The following U2AF2 variants were observed in gnomAD, a reference collection of about 807,000 sequenced individuals.
The protein encoded by U2AF2 is splicing factor U2AF 65 kDa subunit.
Under a neutral mutation model 52.6 loss-of-function variants are expected in U2AF2, and 6 were observed. The ratio of observed to expected loss-of-function variants is 0.11; its 90% CI spans 0.06 to 0.23. The LOEUF (loss-of-function observed/expected upper bound fraction) is 0.23, where lower values mean the gene tolerates loss of function less well. Ranked by LOEUF, U2AF2 falls within the 10% of genes least tolerant of loss-of-function variation. The pLI is 1.00. For synonymous variants in U2AF2, 284 were observed against 258.2 expected (o/e 1.10, Z -0.96); for missense variants, 222 against 677.1 (o/e 0.33, Z 7.46).
intron 1 of U2AF2, among the ~76,000 whole-genome samples, chr19:55,656,114 G>T (rs756455462): frequency 3.9e-5 from 6 of 152,196 alleles, no homozygotes; most frequent in Non-Finnish European, 8.8e-5. Context: ...AAAGCCTGGG[G>T]CCCTGATCTT....
intron 1 of U2AF2, among the ~76,000 whole-genome samples, chr19:55,655,994 T>G (rs1189923031): frequency 2.0e-5 from 3 of 152,070 alleles, no homozygotes; most frequent in Non-Finnish European, 4.4e-5. Context: ...AGAAAACAGG[T>G]TCTGAGGGAG....
chr19:55,672,921 G>A (rs995223183), intron 11 of U2AF2, among the ~76,000 whole-genome samples: 1 of 151,704 alleles, frequency 6.6e-6, no homozygotes, highest in Admixed American at 6.6e-5. Context: ...GGGATTACAG[G>A]CGTGAGCCAC....
At chr19:55,656,494 T>C (rs1247009662) in intron 1 of U2AF2, among the ~76,000 whole-genome samples, 1 of 150,970 alleles carries the variant, frequency 6.6e-6, no homozygotes, top group Non-Finnish European at 1.5e-5. Flanking sequence ...TACGTTTATA[T>C]ATTTTTTTCC....
intron 1 of U2AF2, among the ~76,000 whole-genome samples, chr19:55,657,537 C>CA (rs1302093320): frequency 6.6e-6 from 1 of 152,194 alleles, no homozygotes; most frequent in Non-Finnish European, 1.5e-5. Flanking sequence ...AGAGCCTTAG[C>CA]AGCAGAAAGG....
At chr19:55,662,238 T>C in intron 5 of U2AF2, 1 of 375,892 alleles carries the variant, frequency 2.7e-6, no homozygotes, top group Non-Finnish European at 4.8e-6. Context: ...TTGGGGCCCC[T>C]GTGGCTGTCC....
rs968902421 is a variant in U2AF2 at position 55,659,404 on chromosome 19, G to A, written c.185+59G>A. On this transcript the variant is annotated intron_variant, in intron 2 of 11. Coordinates refer to ENST00000308924, the MANE Select transcript of U2AF2 (RefSeq NM_007279.3). ...GGGAGTCGGGGGGTCGGTGTTGGCC[G>A]GCCTGTGGGTGGCCTGTGTGTGTCT... The A allele has an allele frequency of 2.5e-5, 35 of 1,425,838 alleles. No individual in the cohort carries two copies. In the Middle Eastern group the frequency reaches 9.1e-4, roughly 37 times the overall value. 88.3% of individuals were successfully genotyped at this position (1,425,838 alleles called of 1,614,324 possible). A position where few individuals can be genotyped will look rare whatever the true frequency, so the allele number is the denominator to read the frequency against.
chr19:55,669,300 T>G (rs1258883749), intron 10 of U2AF2, 119 bp downstream of exon 10: 84 of 1,552,284 alleles, frequency 5.4e-5, no homozygotes, highest in Non-Finnish European at 7.2e-5. Context: ...GGGCATTCAG[T>G]GCAGTGTTGG....
rs995950778 is a variant in U2AF2, at chr19:55,661,249, C to T, written c.486+60C>T. On this transcript the variant is annotated intron_variant, in intron 5 of 11. Transcript: ENST00000308924. ...GTCCCTCTACCCCGTTCCTCCCCTT[C>T]CCTCCATTCCCTTTCCCCAACCTGC... is the stretch of plus-strand genomic sequence containing the variant. 7.0e-5 allele frequency: 99 copies of T among 1,423,202 alleles called. No individual in the cohort carries two copies. In the Admixed American group the frequency reaches 2.1e-3, roughly 30 times the overall value. 88.2% of individuals were successfully genotyped at this position (1,423,202 alleles called of 1,614,324 possible).
chr19:55,667,321 C>T (rs533561731), intron 7 of U2AF2, among the ~76,000 whole-genome samples: 4 of 152,170 alleles, frequency 2.6e-5, no homozygotes, highest in African/African-American at 9.7e-5. Context: ...GATGGGGCCA[C>T]TCACACTTGG....
At chr19:55,670,448 TCCCGTGCACCCTGCTGTC>T (rs1568555205) in intron 11 of U2AF2, among the ~76,000 whole-genome samples, 327 of 14,670 alleles carry the variant, frequency 0.022, no homozygotes, top group African/African-American at 0.057. Flanking sequence ...CACCCTGCTG[TCCCGTGCACCCTGCTGTC>T]CCGTGCACCC....
chr19:55,663,886 G>T, intron 7 of U2AF2, 142 bp downstream of exon 7: 1 of 1,238,440 alleles, frequency 8.1e-7, no homozygotes. Flanking sequence ...CTTCCCCTAA[G>T]TCTCTGTGAG....
intron 11 of U2AF2, chr19:55,671,746 A>G (rs998182657): frequency 2.0e-5 from 3 of 152,480 alleles, no homozygotes; most frequent in Admixed American, 2.0e-4. Context: ...GCTTGGCTCA[A>G]GCAGGGGCTG....
chr19:55,659,479 G>A, intron 2 of U2AF2, 134 bp downstream of exon 2: 1 of 1,176,490 alleles, frequency 8.5e-7, no homozygotes, highest in Non-Finnish European at 1.1e-6. Flanking sequence ...GTGTGGATCT[G>A]GGGGAGGGAT....
intron 9 of U2AF2, 79 bp from the exon 10 acceptor site, chr19:55,669,004 C>G: frequency 6.5e-7 from 1 of 1,536,420 alleles, no homozygotes; most frequent in Non-Finnish European, 8.9e-7. Flanking sequence ...AATGCCCCGG[C>G]TTGGGGGTAG....
In U2AF2 at chr19:55,655,082, G is replaced by A. The variant is rs1479122342; in HGVS notation, c.-23G>A. On this transcript the variant is annotated 5_prime_UTR_variant, in exon 1 of 12. Transcript: ENST00000308924. ...GGCAAGGCGAGGCGAAAGCTGCACA[G>A]GGCCCTACGCGGCCGCCTCAGCATG... 1 of 1,606,584 alleles carries A rather than the reference G, an allele frequency of 6.2e-7. No homozygotes were observed. Among genetic ancestry groups the A allele is most frequent in the Admixed American group, 1.7e-5 (1 of 59,752 alleles).
At position 55,663,896 on chromosome 19, in the gene U2AF2, G is replaced by C. The variant is rs1204998730; in HGVS notation, c.742+152G>C. On this transcript the variant is annotated intron_variant, in intron 7 of 11. Transcript: ENST00000308924. ...CCCTGCTTCCCCTAAGTCTCTGTGA[G>C]TGGGGTGCTCTCCTGCTGGTAGAGA... 31 of 1,170,460 alleles carry C rather than the reference G, an allele frequency of 2.6e-5. 1 individual carries two copies. Among genetic ancestry groups the C allele is most frequent in the Middle Eastern group, 5.9e-4 (2 of 3,386 alleles). 72.5% of individuals were successfully genotyped at this position (1,170,460 alleles called of 1,614,324 possible).
intron 7 of U2AF2, among the ~76,000 whole-genome samples, chr19:55,664,803 C>A (rs1017137553): frequency 6.6e-6 from 1 of 152,074 alleles, no homozygotes; most frequent in Non-Finnish European, 1.5e-5. Flanking sequence ...CTGCATCCTC[C>A]GCCTCTAGGG....
At chr19:55,667,698 A>G (rs1010772278) in intron 7 of U2AF2, among the ~76,000 whole-genome samples, 2 of 152,074 alleles carry the variant, frequency 1.3e-5, no homozygotes, top group African/African-American at 2.4e-5. Context: ...GCGGCTGCTC[A>G]TCGTGTCGTG....
Position 55,660,498 on chromosome 19 carries a change from CCCTCCCA to C in U2AF2, c.231-11_231-5del. On this transcript the variant is annotated splice_polypyrimidine_tract_variant and intron_variant, in intron 3 of 11. Transcript: ENST00000308924. ...ACTGAGGTTGCCCTGCCCCGCTCTC[CCCTCCCA>C]CCTCCCCCAGTCGTTCCCCCCGCCA... The C allele has an allele frequency of 1.2e-6, 1 of 863,398 alleles. No individual in the cohort carries two copies. 53.5% of individuals were successfully genotyped at this position (863,398 alleles called of 1,614,324 possible). A position where few individuals can be genotyped will look rare whatever the true frequency, so the allele number is the denominator to read the frequency against.
Sources: gnomAD v4.1 joint callset for allele counts (sites outside exome capture counted in the v4.1 genomes callset) on GRCh38, gnomAD v4.1.1 for gene constraint, MANE v1.5 for transcripts, NCBI Gene and HGNC (gene_info 2026-07-23, HGNC 2026-07-21) for gene names.